Variants in TBC1D22A observed in about 807,000 individuals in gnomAD.
TBC1D22A encodes putative GTPase activator.
A neutral mutation model predicts 60.2 loss-of-function variants in TBC1D22A; 38 were observed. That is an observed-to-expected ratio of 0.63 (90% CI 0.49 to 0.83). The LOEUF is 0.83. TBC1D22A is among the 40% of genes least tolerant of loss of function. The probability of loss-of-function intolerance (pLI) is 0.00; values close to 1 mark genes in which losing one functional copy is unlikely to be tolerated. For missense variants in TBC1D22A, 628 were observed against 701.0 expected, an observed-to-expected ratio of 0.90 and a Z score of 1.18; for synonymous variants, 302 against 281.7, an observed-to-expected ratio of 1.07 and a Z score of -0.72.
At chr22:46,970,772 A>T (rs543017830) in intron 8 of TBC1D22A, among the ~76,000 whole-genome samples, 1 of 152,192 alleles carries the variant, frequency 6.6e-6, no homozygotes, top group Admixed American at 6.5e-5. Flanking sequence ...CTGGTTTTGT[A>T]TATCAGCATC....
intron 8 of TBC1D22A, among the ~76,000 whole-genome samples, chr22:46,930,897 A>G (rs921591820): frequency 6.6e-6 from 1 of 152,130 alleles, no homozygotes; most frequent in Admixed American, 6.5e-5. Flanking sequence ...AAATTCACCT[A>G]AGCTAAATTT....
At chr22:46,809,117 T>C (rs2085276599) in intron 4 of TBC1D22A, among the ~76,000 whole-genome samples, 1 of 152,248 alleles carries the variant, frequency 6.6e-6, no homozygotes, top group African/African-American at 2.4e-5. Context: ...TAGACATTGA[T>C]TTCTCCCAGT....
intron 11 of TBC1D22A, among the ~76,000 whole-genome samples, chr22:47,096,991 C>T (rs1007792020): frequency 4.3e-5 from 4 of 93,382 alleles, no homozygotes; most frequent in East Asian, 4.3e-4. Context: ...ATTGATGGAA[C>T]GTTCCATCCT....
At chr22:47,130,411 C>T (rs922643959) in intron 12 of TBC1D22A, among the ~76,000 whole-genome samples, 8 of 152,192 alleles carry the variant, frequency 5.3e-5, no homozygotes, top group African/African-American at 1.9e-4. Context: ...CAGCACTTCT[C>T]TGTGTGAATG....
At chr22:47,054,937 G>A (rs1332655032) in intron 11 of TBC1D22A, among the ~76,000 whole-genome samples, 2 of 152,238 alleles carry the variant, frequency 1.3e-5, no homozygotes, top group East Asian at 3.9e-4. Context: ...AGCACGGGCT[G>A]GGACTCACAG....
intron 4 of TBC1D22A, among the ~76,000 whole-genome samples, chr22:46,839,993 A>G (rs756226448): frequency 2.0e-5 from 3 of 152,220 alleles, no homozygotes; most frequent in Admixed American, 2.0e-4. Flanking sequence ...CTGTAAAACT[A>G]CTGGAAGAAA....
intron 1 of TBC1D22A, among the ~76,000 whole-genome samples, chr22:46,772,041 G>A (rs944284309): frequency 2.1e-5 from 3 of 145,596 alleles, no homozygotes; most frequent in East Asian, 2.0e-4. Context: ...GTATTCCATC[G>A]TATATATACA....
intron 4 of TBC1D22A, among the ~76,000 whole-genome samples, chr22:46,806,546 T>TA (rs2085148954): frequency 6.7e-6 from 1 of 149,892 alleles, no homozygotes; most frequent in African/African-American, 2.4e-5. Flanking sequence ...TAAATTAAAT[T>TA]AAATATTAAA....
intron 12 of TBC1D22A, among the ~76,000 whole-genome samples, chr22:47,131,702 C>T (rs1001950271): frequency 2.0e-5 from 3 of 152,216 alleles, no homozygotes; most frequent in Admixed American, 1.3e-4. Context: ...GTCATCTTGC[C>T]TCACTCTGCA....
intron 7 of TBC1D22A, among the ~76,000 whole-genome samples, chr22:46,910,729 G>A (rs888228739): frequency 1.3e-5 from 2 of 152,070 alleles, no homozygotes; most frequent in South Asian, 2.1e-4. Context: ...GAGTCTTCAC[G>A]GAGGGAGTGG....
Position 46,771,562 on chromosome 22 carries a change from T to C in TBC1D22A, c.62+8714T>C, listed in dbSNP as rs115402184. Among the ~76,000 whole-genome samples the C allele has an allele frequency of 5.4e-3, 818 of 152,018 alleles. 7 individuals are homozygous for C. Among genetic ancestry groups the C allele is most frequent in the African/African-American group, 0.018 (756 of 41,484 alleles). On this transcript the variant is annotated intron_variant, in intron 1 of 12. Transcript: ENST00000337137. ...CCTGAAGTCTATTGTGTCATTCTTA[T>C]GACTTTGCATCCTCATGGCTTAGGT...
chr22:47,051,066 T>A (rs2063198976), intron 11 of TBC1D22A, among the ~76,000 whole-genome samples: 2 of 152,132 alleles, frequency 1.3e-5, no homozygotes, highest in African/African-American at 4.8e-5. Context: ...GGGGCTTCCG[T>A]GGGTTCTGCC....
intron 4 of TBC1D22A, among the ~76,000 whole-genome samples, chr22:46,841,488 G>A (rs2086769265): frequency 6.6e-6 from 1 of 152,178 alleles, no homozygotes. Context: ...TACTAATGGA[G>A]TGAGACAGTG....
At chr22:46,895,610 G>A (rs2068631821) in intron 7 of TBC1D22A, among the ~76,000 whole-genome samples, 1 of 152,212 alleles carries the variant, frequency 6.6e-6, no homozygotes, top group South Asian at 2.1e-4. Context: ...GACCTCAAGT[G>A]ATCTGCCCGC....
intron 12 of TBC1D22A, among the ~76,000 whole-genome samples, chr22:47,115,047 G>A (rs2065983469): frequency 1.3e-5 from 2 of 151,542 alleles, no homozygotes; most frequent in South Asian, 2.1e-4. Context: ...GGGGCGGGGC[G>A]GGGTGAGGTG....
chr22:46,837,155 G>A (rs1285210568), intron 4 of TBC1D22A, among the ~76,000 whole-genome samples: 4 of 152,168 alleles, frequency 2.6e-5, no homozygotes, highest in Non-Finnish European at 4.4e-5. Flanking sequence ...CAAGAGACAA[G>A]GGCATTGTAT....
chr22:47,137,054 A>C (rs1398852894), intron 12 of TBC1D22A, among the ~76,000 whole-genome samples: 3 of 152,124 alleles, frequency 2.0e-5, no homozygotes, highest in South Asian at 2.1e-4. Context: ...GTAAAATAAG[A>C]TAAAAAGAAG....
intron 4 of TBC1D22A, among the ~76,000 whole-genome samples, chr22:46,814,227 CT>C (rs1220759791): frequency 1.3e-5 from 2 of 152,150 alleles, no homozygotes; most frequent in Non-Finnish European, 2.9e-5. Flanking sequence ...GAATCTAATG[CT>C]ATGTGCCAGG....
At chr22:46,895,901 A>T (rs2068650183) in intron 7 of TBC1D22A, among the ~76,000 whole-genome samples, 1 of 152,260 alleles carries the variant, frequency 6.6e-6, no homozygotes, top group South Asian at 2.1e-4. Context: ...TTATTGCATC[A>T]TTGGGTGTGG....
Sources: allele counts gnomAD v4.1 joint callset (sites outside exome capture counted in the v4.1 genomes callset), GRCh38; gene constraint gnomAD v4.1.1; transcripts MANE v1.5; gene names NCBI Gene and HGNC (gene_info 2026-07-23, HGNC 2026-07-21).